KIF21A: variants seen among roughly 807,000 people sequenced by gnomAD.
The protein encoded by KIF21A is kinesin family member 21A.
KIF21A carries 114 observed loss-of-function variants against 202.9 expected under a neutral mutation model. The observed-to-expected ratio is 0.56, with a 90% CI of 0.48 to 0.66. The LOEUF is 0.66. KIF21A is among the 30% of genes least tolerant of loss of function. The pLI, the probability that KIF21A is intolerant of heterozygous loss-of-function variation, is 0.00. For synonymous variants in KIF21A, 667 were observed against 670.8 expected (o/e 0.99, Z 0.09); for missense variants, 1,677 against 1,994.9 (o/e 0.84, Z 3.04).
rs79373126 is a variant in KIF21A, at chr12:39,398,936, T to C, written c.45-28675A>G. On this transcript the variant is annotated intron_variant, in intron 1 of 37. Transcript: ENST00000361418. ...AAAAATACAAATTTTAAAAATACAGTATAATGTCTGAGAGCGGTGACTCAT... is the reference window on the plus strand; with the variant it reads ...AAAAATACAAATTTTAAAAATACAGCATAATGTCTGAGAGCGGTGACTCAT... Among the ~76,000 whole-genome samples, 589 of 151,750 alleles carry C rather than the reference T, an allele frequency of 3.9e-3. 3 individuals carry two copies. Among genetic ancestry groups the C allele is most frequent in the African/African-American group, 0.014 (559 of 41,382 alleles).
intron 1 of KIF21A, among the ~76,000 whole-genome samples, chr12:39,396,820 T>C (rs764970627): frequency 1.3e-5 from 2 of 152,164 alleles, no homozygotes; most frequent in Non-Finnish European, 2.9e-5. Flanking sequence ...TATTTATCAA[T>C]TGGTGAATGA....
chr12:39,422,131 G>GT (rs985412019), intron 1 of KIF21A, among the ~76,000 whole-genome samples: 90 of 140,344 alleles, frequency 6.4e-4, no homozygotes, highest in South Asian at 2.0e-3. Context: ...GCTAATTTTT[G>GT]TTTTTTTTTT....
chr12:39,374,341 T>C (rs1950136548), intron 1 of KIF21A, among the ~76,000 whole-genome samples: 1 of 152,174 alleles, frequency 6.6e-6, no homozygotes. Flanking sequence ...TATTTTTATG[T>C]AAAAAATAAG....
chr12:39,311,172 C>T (rs989244566), intron 32 of KIF21A, among the ~76,000 whole-genome samples: 4 of 151,934 alleles, frequency 2.6e-5, no homozygotes, highest in African/African-American at 9.7e-5. Flanking sequence ...ACTCTACATG[C>T]AGTACATGCC....
chr12:39,397,258 C>T (rs35844572), intron 1 of KIF21A, among the ~76,000 whole-genome samples: 5,762 of 152,088 alleles, frequency 0.038, 129 homozygotes, highest in African/African-American at 0.065. Flanking sequence ...TGTTTGTGTT[C>T]AATACTTTTT....
intron 1 of KIF21A, among the ~76,000 whole-genome samples, chr12:39,391,081 A>C (rs1008543775): frequency 2.6e-5 from 4 of 152,226 alleles, no homozygotes; most frequent in African/African-American, 7.2e-5. Context: ...TCAGGATAGA[A>C]GGAGCCATAG....
At chr12:39,356,733 G>A (rs1948801962) in intron 10 of KIF21A, 99 bp downstream of exon 10, 3 of 656,798 alleles carry the variant, frequency 4.6e-6, no homozygotes, top group Non-Finnish European at 8.3e-6. Flanking sequence ...TATCACCATG[G>A]ACAACTGTTG....
At chr12:39,294,884 C>T (rs1055319738) in intron 37 of KIF21A, among the ~76,000 whole-genome samples, 2 of 152,128 alleles carry the variant, frequency 1.3e-5, no homozygotes, top group African/African-American at 2.4e-5. Context: ...AGTCTGGCTC[C>T]GAGCCCTATC....
intron 1 of KIF21A, among the ~76,000 whole-genome samples, chr12:39,379,687 G>A (rs79279722): frequency 1.4e-3 from 217 of 152,178 alleles, no homozygotes; most frequent in African/African-American, 5.0e-3. Context: ...AATGTTTACT[G>A]TCCTGATTCC....
rs73266496 is a variant in KIF21A at position 39,311,926 on chromosome 12, C to G, written c.3960-373G>C. 1.6e-3 allele frequency: 379 copies of G among 230,654 alleles called. 1 individual carries two copies. Among genetic ancestry groups the G allele is most frequent in the African/African-American group, 8.4e-3 (372 of 44,502 alleles). The allele number at this position is 230,654 out of a possible 1,614,324, so 14.3% of individuals were successfully genotyped here. A position where few individuals can be genotyped will look rare whatever the true frequency, so the allele number is the denominator to read the frequency against. Reference sequence around the variant, plus strand: ...TGACAAATAACAGGAAAACATAATTCTATGTCAAACTGGTGTGTAAAGGAA... The same window carrying G: ...TGACAAATAACAGGAAAACATAATTGTATGTCAAACTGGTGTGTAAAGGAA... On this transcript the variant is annotated intron_variant, in intron 31 of 37. Coordinates refer to ENST00000361418, the MANE Select transcript of KIF21A (RefSeq NM_001173464.2).
Position 39,367,033 on chromosome 12 carries a change from A to G in KIF21A, c.732T>C (p.Asp244=), listed in dbSNP as rs1161226869. 1 of 1,613,258 alleles carries G rather than the reference A, an allele frequency of 6.2e-7. No individual in the cohort carries two copies. Among genetic ancestry groups the G allele is most frequent in the South Asian group, 1.1e-5 (1 of 91,068 alleles). Reference sequence around the variant, plus strand: ...GAAATTAGAATTAATAACTCACAGCATCTATTTGGGGACACACTCTGGTTT... The same window carrying G: ...GAAATTAGAATTAATAACTCACAGCGTCTATTTGGGGACACACTCTGGTTT... ...VCQTRVCPQI[D]ADNATDNKII... Residue 244 remains aspartate, a synonymous_variant, in exon 5 of 38, where the codon GAT becomes GAC. Transcript: ENST00000361418.
chr12:39,390,789 T>C (rs1255596795), intron 1 of KIF21A, among the ~76,000 whole-genome samples: 1 of 152,164 alleles, frequency 6.6e-6, no homozygotes, highest in Non-Finnish European at 1.5e-5. Flanking sequence ...GTGCCTACCA[T>C]ATATGCCAGT....
intron 17 of KIF21A, 60 bp from the exon 18 acceptor site, chr12:39,333,340 C>G: frequency 4.9e-6 from 6 of 1,219,574 alleles, no homozygotes; most frequent in Non-Finnish European, 7.3e-6. Context: ...ATTTCCTATT[C>G]CTATATGAAT....
At chr12:39,294,777 C>T (rs568461450) in intron 37 of KIF21A, among the ~76,000 whole-genome samples, 4 of 152,294 alleles carry the variant, frequency 2.6e-5, no homozygotes, top group Admixed American at 6.5e-5. Context: ...CTTTAACTAC[C>T]ATCAGCAATA....
chr12:39,425,084 C>G (rs752561423), intron 1 of KIF21A, among the ~76,000 whole-genome samples: 1 of 152,130 alleles, frequency 6.6e-6, no homozygotes, highest in Non-Finnish European at 1.5e-5. Context: ...CCCTTTTTCA[C>G]TTGCTTTTGC....
At chr12:39,311,952 C>T (rs770530059) in intron 31 of KIF21A, 52 of 194,326 alleles carry the variant, frequency 2.7e-4, no homozygotes, top group Non-Finnish European at 5.2e-4. Flanking sequence ...TGTAAAGGAA[C>T]ATGCTGGAGA....
chr12:39,403,639 C>T (rs1952351888), intron 1 of KIF21A, among the ~76,000 whole-genome samples: 1 of 152,116 alleles, frequency 6.6e-6, no homozygotes, highest in Non-Finnish European at 1.5e-5. Context: ...GTTTTACCTA[C>T]CTTACAGGCT....
At chr12:39,379,559 C>A (rs752142855) in intron 1 of KIF21A, among the ~76,000 whole-genome samples, 1 of 152,150 alleles carries the variant, frequency 6.6e-6, no homozygotes, top group Non-Finnish European at 1.5e-5. Flanking sequence ...ACCCTGTACC[C>A]TGGGAGACTG....
intron 1 of KIF21A, among the ~76,000 whole-genome samples, chr12:39,388,503 G>A (rs1490164852): frequency 1.3e-5 from 2 of 152,116 alleles, no homozygotes; most frequent in East Asian, 3.9e-4. Context: ...TGTACACATG[G>A]CAGTCTCCAT....
Sources: gnomAD v4.1 joint callset for allele counts (sites outside exome capture counted in the v4.1 genomes callset) on GRCh38, gnomAD v4.1.1 for gene constraint, MANE v1.5 for transcripts, NCBI Gene and HGNC (gene_info 2026-07-23, HGNC 2026-07-21) for gene names.